Variants in PGM3 observed in about 807,000 individuals in gnomAD.
PGM3 encodes the protein phosphoacetylglucosamine mutase.
Under a neutral mutation model 66.2 loss-of-function variants are expected in PGM3, and 40 were observed. The observed-to-expected ratio is 0.60, with a 90% CI of 0.47 to 0.79. The LOEUF is 0.79. Among genes scored for constraint, PGM3 ranks in the 30% least tolerant of loss-of-function variants. PGM3 has a pLI of 0.00. For synonymous variants in PGM3, 191 were observed against 224.2 expected (o/e 0.85, Z 1.32); for missense variants, 537 against 643.4 (o/e 0.83, Z 1.79).
At position 83,167,187 on chromosome 6, in the gene PGM3, T is replaced by G. The variant is rs1583227379; in HGVS notation, c.*2047A>C. The G allele has an allele frequency of 2.3e-6, 2 of 887,546 alleles. No individual in the cohort carries two copies. Among genetic ancestry groups the G allele is most frequent in the South Asian group, 1.0e-4 (2 of 19,368 alleles). The allele number at this position is 887,546 out of a possible 1,614,324, so 55.0% of individuals were successfully genotyped here. On this transcript the variant is annotated 3_prime_UTR_variant, in exon 13 of 13. Transcript: ENST00000513973. ...GTCCCATTTTATAAGTGAGGAACCT[T>G]TGTATATCCTGCCCAAGGGTGCCGT...
In PGM3 at chr6:83,181,948, C is replaced by T. The variant is rs1583280779; in HGVS notation, c.592-17G>A. 2.0e-6 allele frequency: 3 copies of T among 1,530,130 alleles called. No homozygotes were observed. Among genetic ancestry groups the T allele is most frequent in the Non-Finnish European group, 2.6e-6 (3 of 1,136,606 alleles). 94.8% of individuals were successfully genotyped at this position (1,530,130 alleles called of 1,614,324 possible). On this transcript the variant is annotated splice_polypyrimidine_tract_variant and intron_variant, in intron 5 of 12. Transcript: ENST00000513973. ...GCAAGAAGCCTACAAAGGAAAAAGA[C>T]ACATGGAAGAAAAATTTCAAGTTAT... is the stretch of plus-strand genomic sequence containing the variant.
At chr6:83,171,160 T>C (rs184307393) in intron 11 of PGM3, 1 of 152,128 alleles carries the variant, frequency 6.6e-6, no homozygotes, top group Admixed American at 6.6e-5. Flanking sequence ...GGCAACATAG[T>C]GAGATCTCGT....
downstream of PGM3, chr6:83,162,644 C>T: frequency 1.2e-6 from 1 of 813,714 alleles, no homozygotes; most frequent in Non-Finnish European, 1.8e-6. Context: ...GAAACATACC[C>T]AAAGTGACAA....
Position 83,165,245 on chromosome 6 carries a change from A to G in PGM3, c.*3989T>C, listed in dbSNP as rs1218671987. The G allele has an allele frequency of 6.6e-6, 1 of 152,410 alleles. No homozygotes were observed. The highest frequency in any genetic ancestry group is 1.5e-5 in the Non-Finnish European group (1 of 68,284). 9.4% of individuals were successfully genotyped at this position (152,410 alleles called of 1,614,324 possible). A position where few individuals can be genotyped will look rare whatever the true frequency, so the allele number is the denominator to read the frequency against. Reference sequence around the variant, plus strand: ...CTCATTGGTGCCAGTGTCATAGTTAAGAAAGAAAGAAAGAAAGTTTTATAT... The same window carrying G: ...CTCATTGGTGCCAGTGTCATAGTTAGGAAAGAAAGAAAGAAAGTTTTATAT... On this transcript the variant is annotated 3_prime_UTR_variant, in exon 13 of 13. Transcript: ENST00000513973.
chr6:83,185,694 A>C (rs1203943684), intron 4 of PGM3, among the ~76,000 whole-genome samples: 1 of 152,066 alleles, frequency 6.6e-6, no homozygotes, highest in African/African-American at 2.4e-5. Flanking sequence ...GGGAGTCAGA[A>C]GTTGCAGTGA....
intron 11 of PGM3, chr6:83,171,358 GTCAT>G (rs1410140713): frequency 4.0e-5 from 6 of 151,622 alleles, no homozygotes; most frequent in African/African-American, 7.3e-5. Flanking sequence ...AAAGTGATGC[GTCAT>G]TCATATTATT....
chr6:83,174,335 T>G, intron 10 of PGM3, 39 bp downstream of exon 10: 1 of 1,050,298 alleles, frequency 9.5e-7, no homozygotes. Context: ...CTGAATAATG[T>G]AAAGGTAACC....
the PGM3 span, chr6:83,149,004 A>T: frequency 2.0e-6 from 1 of 494,214 alleles, no homozygotes; most frequent in East Asian, 3.7e-5. Flanking sequence ...AACTAGATGT[A>T]TAAGGCCTGT....
chr6:83,185,252 C>A (rs567403471), intron 4 of PGM3, among the ~76,000 whole-genome samples: 3 of 152,348 alleles, frequency 2.0e-5, no homozygotes, highest in South Asian at 2.1e-4. Context: ...TAGTGAGACA[C>A]AACCAGCATT....
intron 1 of PGM3, among the ~76,000 whole-genome samples, chr6:83,192,135 G>C (rs896253069): frequency 6.6e-6 from 1 of 151,366 alleles, no homozygotes; most frequent in Non-Finnish European, 1.5e-5. Context: ...GCGTGGTGGT[G>C]CGCGCCTGTA....
chr6:83,181,516 C>T (rs1363212093), intron 6 of PGM3, among the ~76,000 whole-genome samples: 1 of 152,124 alleles, frequency 6.6e-6, no homozygotes, highest in African/African-American at 2.4e-5. Flanking sequence ...GCTTTCCCCA[C>T]CTGATTTCCT....
Position 83,165,589 on chromosome 6 carries a change from C to A in PGM3, c.*3645G>T. On this transcript the variant is annotated 3_prime_UTR_variant, in exon 13 of 13. Transcript: ENST00000513973. ...CCTGTAGCATAAAAATCCATGCTTC[C>A]AAATTTGACGAACTCTTGGAAAGCA... is the stretch of plus-strand genomic sequence containing the variant. 1 of 174,628 alleles carries A rather than the reference C, an allele frequency of 5.7e-6. No individual in the cohort carries two copies. Among genetic ancestry groups the A allele is most frequent in the South Asian group, 1.3e-4 (1 of 7,528 alleles). The allele number at this position is 174,628 out of a possible 1,614,324, so 10.8% of individuals were successfully genotyped here.
In PGM3 at chr6:83,167,450, T is replaced by C. The variant is rs1392185563; in HGVS notation, c.*1784A>G. ...AATTATAATAAAAGGGGATATATTA[T>C]GAAATGTATAAAGCACTTTGTTCCT... On this transcript the variant is annotated 3_prime_UTR_variant, in exon 13 of 13. Transcript: ENST00000513973. 5.1e-6 allele frequency: 5 copies of C among 984,578 alleles called. No individual in the cohort carries two copies. Among genetic ancestry groups the C allele is most frequent in the Non-Finnish European group, 6.0e-6 (5 of 828,586 alleles). The allele number at this position is 984,578 out of a possible 1,614,324, so 61.0% of individuals were successfully genotyped here.
chr6:83,171,514 CGGAG>C (rs1787130421), intron 11 of PGM3, among the ~76,000 whole-genome samples: 1 of 151,880 alleles, frequency 6.6e-6, no homozygotes, highest in Non-Finnish European at 1.5e-5. Flanking sequence ...TGTTTTGAGA[CGGAG>C]TCTCGCTCTG....
At chr6:83,158,944 T>C (rs1365785288), downstream of PGM3, among the ~76,000 whole-genome samples, 1 of 152,200 alleles carries the variant, frequency 6.6e-6, no homozygotes, top group African/African-American at 2.4e-5. Flanking sequence ...CCAACCCTGT[T>C]ATGGTAGGTA....
intron 10 of PGM3, among the ~76,000 whole-genome samples, chr6:83,173,561 C>G (rs919464858): frequency 9.2e-5 from 14 of 151,828 alleles, no homozygotes; most frequent in African/African-American, 3.4e-4. Flanking sequence ...ACAGTAACAC[C>G]TCTCCCTGTG....
chr6:83,167,715 A>C lies in PGM3; in HGVS notation c.*1519T>G, dbSNP rs1786122415. ...GGCAGTAAAAGGTCTCAGAAGCACCAAGGGTTTTGATCAGGTCAGGAGTTA... is the reference window on the plus strand; with the variant it reads ...GGCAGTAAAAGGTCTCAGAAGCACCCAGGGTTTTGATCAGGTCAGGAGTTA... On this transcript the variant is annotated 3_prime_UTR_variant, in exon 13 of 13. Transcript: ENST00000513973. 2 of 1,406,506 alleles carry C rather than the reference A, an allele frequency of 1.4e-6. No individual in the cohort carries two copies. Among genetic ancestry groups the C allele is most frequent in the Non-Finnish European group, 1.8e-6 (2 of 1,082,328 alleles). 87.1% of individuals were successfully genotyped at this position (1,406,506 alleles called of 1,614,324 possible). A position where few individuals can be genotyped will look rare whatever the true frequency, so the allele number is the denominator to read the frequency against.
At chr6:83,159,765 A>G, downstream of PGM3, 11 of 1,613,668 alleles carry the variant, frequency 6.8e-6, no homozygotes, top group Non-Finnish European at 9.3e-6. Flanking sequence ...AAATGGGTCC[A>G]GCTGCTGACA....
chr6:83,167,682 T>C lies in PGM3; in HGVS notation c.*1552A>G. On this transcript the variant is annotated 3_prime_UTR_variant, in exon 13 of 13. Transcript: ENST00000513973. ...AATGTTAGACTGCTCCATGTAAAAC[T>C]AATAAATGGCAGTAAAAGGTCTCAG... The C allele has an allele frequency of 7.2e-7, 1 of 1,379,438 alleles. No homozygotes were observed. Among genetic ancestry groups the C allele is most frequent in the Non-Finnish European group, 9.3e-7 (1 of 1,071,244 alleles). 85.4% of individuals were successfully genotyped at this position (1,379,438 alleles called of 1,614,324 possible).
Sources: gnomAD v4.1 joint callset for allele counts (sites outside exome capture counted in the v4.1 genomes callset) on GRCh38, gnomAD v4.1.1 for gene constraint, MANE v1.5 for transcripts, NCBI Gene and HGNC (gene_info 2026-07-23, HGNC 2026-07-21) for gene names.